CACNG6: variants seen among roughly 807,000 people sequenced by gnomAD.
CACNG6 encodes calcium voltage-gated channel auxiliary subunit gamma 6, also known as voltage-dependent calcium channel gamma-6 subunit.
CACNG6 carries 21 observed loss-of-function variants against 23.9 expected under a neutral mutation model. The ratio of observed to expected loss-of-function variants is 0.88; its 90% CI spans 0.62 to 1.26. The LOEUF (loss-of-function observed/expected upper bound fraction) is 1.26, where lower values mean the gene tolerates loss of function less well. Among genes scored for constraint, CACNG6 ranks in the 50% most tolerant of loss-of-function variants. The pLI, the probability that CACNG6 is intolerant of heterozygous loss-of-function variation, is 0.00. For synonymous variants in CACNG6, 182 were observed against 168.9 expected (o/e 1.08, Z -0.60); for missense variants, 340 against 352.9 (o/e 0.96, Z 0.29).
In CACNG6 at chr19:53,999,650, T is replaced by C. The variant is rs755752971; in HGVS notation, c.423T>C (p.Ala141=). 8 of 1,613,826 alleles carry C rather than the reference T, an allele frequency of 5.0e-6. No individual in the cohort carries two copies. Among genetic ancestry groups the C allele is most frequent in the Non-Finnish European group, 5.9e-6 (7 of 1,179,986 alleles). Reference sequence around the variant, plus strand: ...TGCTGGCAGAGGTGAATCTGGCAGCTGCGGTGATAGCAGTGCTGGGCCTGG... The same window carrying C: ...TGCTGGCAGAGGTGAATCTGGCAGCCGCGGTGATAGCAGTGCTGGGCCTGG... ...RTTKKEVNLA[A]AVIAVLGLAV... is the part of the protein sequence containing the mutation. The change falls in exon 3 of 4, where the codon GCT becomes GCC. Residue 141 remains alanine, a synonymous_variant. Coordinates refer to ENST00000252729, the MANE Select transcript of CACNG6 (RefSeq NM_145814.2).
chr19:54,010,116 G>T (rs1160472853), intron 3 of CACNG6, among the ~76,000 whole-genome samples: 3 of 147,460 alleles, frequency 2.0e-5, no homozygotes, highest in Non-Finnish European at 4.5e-5. Context: ...CGCCTCCCAG[G>T]TTCAAGCAAT....
chr19:54,002,267 G>GTTTTGT (rs2069583941), intron 3 of CACNG6, among the ~76,000 whole-genome samples: 1 of 131,932 alleles, frequency 7.6e-6, no homozygotes, highest in African/African-American at 3.3e-5. Flanking sequence ...CTAATTTTCG[G>GTTTTGT]TTTTTTTGTT....
chr19:54,010,625 A>G (rs1413638157), intron 3 of CACNG6, among the ~76,000 whole-genome samples: 1 of 151,884 alleles, frequency 6.6e-6, no homozygotes. Context: ...TCCAGGCTGG[A>G]GTGTACTGGT....
chr19:54,011,871 G>T, intron 3 of CACNG6, 80 bp from the exon 4 acceptor site: 1 of 997,364 alleles, frequency 1.0e-6, no homozygotes, highest in East Asian at 3.1e-5. Flanking sequence ...TGGGCGGGAG[G>T]GCTGGGAGCG....
chr19:54,007,602 A>ATG (rs1338186618), intron 3 of CACNG6, among the ~76,000 whole-genome samples: 1 of 152,190 alleles, frequency 6.6e-6, no homozygotes, highest in Non-Finnish European at 1.5e-5. Context: ...TGAATCAAAG[A>ATG]ATGCATGAAT....
At chr19:54,003,346 T>G (rs531744621) in intron 3 of CACNG6, among the ~76,000 whole-genome samples, 80 of 152,222 alleles carry the variant, frequency 5.3e-4, no homozygotes, top group African/African-American at 1.9e-3. Context: ...CAGACCCGCA[T>G]GCCTTTTTAT....
At position 54,012,203 on chromosome 19, in the gene CACNG6, A is replaced by G. The variant is rs751942145; in HGVS notation, c.*14A>G. 4.2e-6 allele frequency: 5 copies of G among 1,197,950 alleles called. No homozygotes were observed. Among genetic ancestry groups the G allele is most frequent in the African/African-American group, 1.6e-5 (1 of 63,498 alleles). The allele number at this position is 1,197,950 out of a possible 1,614,324, so 74.2% of individuals were successfully genotyped here. On this transcript the variant is annotated 3_prime_UTR_variant, in exon 4 of 4. Coordinates refer to ENST00000252729, the MANE Select transcript of CACNG6 (RefSeq NM_145814.2). ...CGGGCCACCTAGAGCCACGCGTGAG[A>G]CTTCTCTAAGCAACCACCGAGCCCT... is the stretch of plus-strand genomic sequence containing the variant.
intron 3 of CACNG6, among the ~76,000 whole-genome samples, chr19:54,010,424 G>A (rs537690699): frequency 1.3e-5 from 2 of 152,154 alleles, no homozygotes; most frequent in African/African-American, 2.4e-5. Flanking sequence ...TGCTGGGATT[G>A]TAGGTGTGCC....
upstream of CACNG6, among the ~76,000 whole-genome samples, chr19:53,991,585 T>TG (rs2069459177): frequency 1.7e-4 from 1 of 5,802 alleles, no homozygotes; most frequent in Non-Finnish European, 4.1e-4. Flanking sequence ...GGGTGGAGGG[T>TG]GGAGGGTGGG....
intron 3 of CACNG6, among the ~76,000 whole-genome samples, chr19:54,004,144 A>G (rs1600060170): frequency 2.7e-5 from 4 of 150,300 alleles, no homozygotes; most frequent in African/African-American, 9.8e-5. Flanking sequence ...GGCATGAGCC[A>G]CCGCACCCGG....
chr19:53,993,638 C>A (rs1453920547), intron 1 of CACNG6, among the ~76,000 whole-genome samples: 1 of 151,338 alleles, frequency 6.6e-6, no homozygotes, highest in East Asian at 2.0e-4. Flanking sequence ...GCCCCAAGAC[C>A]ATCCTGTACC....
At chr19:54,011,205 A>AAAAAAAATATATAT (rs58054808) in intron 3 of CACNG6, among the ~76,000 whole-genome samples, 1 of 102,546 alleles carries the variant, frequency 9.8e-6, no homozygotes, top group African/African-American at 5.0e-5. Context: ...AAAAAAAAAA[A>AAAAAAAATATATAT]ATATATATAT....
chr19:54,007,850 T>G (rs1308065625), intron 3 of CACNG6, among the ~76,000 whole-genome samples: 2 of 150,794 alleles, frequency 1.3e-5, no homozygotes, highest in Non-Finnish European at 3.0e-5. Flanking sequence ...CAGTGAGCTA[T>G]GATCGCGCCA....
chr19:53,994,979 T>G (rs1429520765), intron 1 of CACNG6, among the ~76,000 whole-genome samples: 1 of 152,154 alleles, frequency 6.6e-6, no homozygotes, highest in African/African-American at 2.4e-5. Flanking sequence ...CTCAGTGTTT[T>G]ATGTACATTA....
At chr19:54,009,021 G>A (rs948471858) in intron 3 of CACNG6, among the ~76,000 whole-genome samples, 1 of 152,220 alleles carries the variant, frequency 6.6e-6, no homozygotes, top group Admixed American at 6.5e-5. Flanking sequence ...GGGTGCGGCA[G>A]TTCACCCCTG....
chr19:53,995,703 C>A (rs1033901066), intron 1 of CACNG6, among the ~76,000 whole-genome samples: 2 of 152,232 alleles, frequency 1.3e-5, no homozygotes, highest in Admixed American at 6.5e-5. Context: ...CTCTTGTTGC[C>A]CCGGCTGGAG....
At chr19:53,994,409 C>T (rs570424483) in intron 1 of CACNG6, among the ~76,000 whole-genome samples, 1 of 152,230 alleles carries the variant, frequency 6.6e-6, no homozygotes, top group East Asian at 1.9e-4. Context: ...GCTGTTTTAT[C>T]CCTGGGCATG....
At chr19:54,004,435 G>T (rs539593420) in intron 3 of CACNG6, among the ~76,000 whole-genome samples, 12 of 147,018 alleles carry the variant, frequency 8.2e-5, no homozygotes, top group Non-Finnish European at 1.3e-4. Flanking sequence ...GGCTGGCCTC[G>T]AACTCCTGAT....
chr19:53,998,186 T>C, intron 1 of CACNG6, 53 bp from the exon 2 acceptor site: 2 of 1,515,342 alleles, frequency 1.3e-6, no homozygotes, highest in Non-Finnish European at 1.8e-6. Flanking sequence ...GCCCTGAGCT[T>C]ACGCAAGGGA....
Sources: gnomAD v4.1 joint callset for allele counts (sites outside exome capture counted in the v4.1 genomes callset) on GRCh38, gnomAD v4.1.1 for gene constraint, MANE v1.5 for transcripts, NCBI Gene and HGNC (gene_info 2026-07-23, HGNC 2026-07-21) for gene names.